Variants in FRMD3 observed in about 807,000 individuals in gnomAD.
FRMD3 encodes the protein FERM domain containing 3, also known as FERM domain-containing protein 3.
A neutral mutation model predicts 70.2 loss-of-function variants in FRMD3; 33 were observed. The ratio of observed to expected loss-of-function variants is 0.47; its 90% CI spans 0.36 to 0.63. The LOEUF (loss-of-function observed/expected upper bound fraction) is 0.63, where lower values mean the gene tolerates loss of function less well. FRMD3 is among the 20% of genes least tolerant of loss of function. The pLI is 0.00. For synonymous variants in FRMD3, 279 were observed against 255.9 expected (o/e 1.09, Z -0.86); for missense variants, 632 against 711.4 (o/e 0.89, Z 1.27).
the FRMD3 span, among the ~76,000 whole-genome samples, chr9:83,564,227 A>T: frequency 6.6e-6 from 1 of 151,736 alleles, no homozygotes; most frequent in Non-Finnish European, 1.5e-5. Flanking sequence ...CCAATTTAAA[A>T]TAATAATAAT....
At chr9:83,289,740 T>G (rs889944476) in intron 13 of FRMD3, among the ~76,000 whole-genome samples, 3 of 152,232 alleles carry the variant, frequency 2.0e-5, no homozygotes, top group Non-Finnish European at 4.4e-5. Context: ...AAAGCATGTT[T>G]GTATTCAAAG....
At chr9:83,520,689 A>G (rs1406073823) in intron 1 of FRMD3, among the ~76,000 whole-genome samples, 1 of 152,210 alleles carries the variant, frequency 6.6e-6, no homozygotes, top group Non-Finnish European at 1.5e-5. Flanking sequence ...AAGTTCTACC[A>G]GACAGCACTG....
chr9:83,440,913 G>A (rs1827275061), intron 1 of FRMD3, among the ~76,000 whole-genome samples: 1 of 152,204 alleles, frequency 6.6e-6, no homozygotes. Flanking sequence ...TCAGGCACAG[G>A]ACGGAATTGT....
chr9:83,432,331 T>A (rs1287506280), intron 1 of FRMD3, among the ~76,000 whole-genome samples: 1 of 152,232 alleles, frequency 6.6e-6, no homozygotes, highest in Non-Finnish European at 1.5e-5. Flanking sequence ...CAGGTCACTA[T>A]GTTTCCTTTG....
At chr9:83,408,795 A>T (rs1368146520) in intron 1 of FRMD3, among the ~76,000 whole-genome samples, 1 of 152,158 alleles carries the variant, frequency 6.6e-6, no homozygotes, top group East Asian at 1.9e-4. Context: ...CTGCTACCAC[A>T]GGCACCCTCG....
At chr9:83,252,534 T>C (rs1410669015) in intron 13 of FRMD3, among the ~76,000 whole-genome samples, 1 of 152,062 alleles carries the variant, frequency 6.6e-6, no homozygotes, top group African/African-American at 2.4e-5. Context: ...ACCTTAAATG[T>C]AAATGGGCTA....
chr9:83,490,610 A>G (rs1392766385), intron 1 of FRMD3, among the ~76,000 whole-genome samples: 2 of 152,282 alleles, frequency 1.3e-5, no homozygotes, highest in East Asian at 3.9e-4. Flanking sequence ...AATGGAATTA[A>G]CTTTTAATCT....
intron 1 of FRMD3, among the ~76,000 whole-genome samples, chr9:83,502,806 T>G (rs1829100147): frequency 6.6e-6 from 1 of 152,210 alleles, no homozygotes; most frequent in Non-Finnish European, 1.5e-5. Flanking sequence ...CATCATTTCC[T>G]TTGTCCTCTG....
chr9:83,265,386 C>G (rs1465028785), intron 13 of FRMD3, among the ~76,000 whole-genome samples: 1 of 111,686 alleles, frequency 9.0e-6, no homozygotes, highest in African/African-American at 3.7e-5. Context: ...GGCAACAGAG[C>G]GAGACTCTTA....
intron 4 of FRMD3, among the ~76,000 whole-genome samples, chr9:83,346,255 CAAAAAAAAAAAAAAAAA>C (rs56163115): frequency 1.6e-5 from 1 of 62,146 alleles, no homozygotes; most frequent in African/African-American, 6.7e-5. Context: ...GACGCCATCT[CAAAAAAAAAAAAAAAAA>C]AAAAAAAGTG....
chr9:83,461,360 T>C (rs1827965315), intron 1 of FRMD3, among the ~76,000 whole-genome samples: 1 of 152,172 alleles, frequency 6.6e-6, no homozygotes, highest in Non-Finnish European at 1.5e-5. Flanking sequence ...ACAGCCCTAT[T>C]GACACTGTGA....
chr9:83,555,247 G>C, the FRMD3 span, among the ~76,000 whole-genome samples: 1 of 150,408 alleles, frequency 6.6e-6, no homozygotes, highest in South Asian at 2.1e-4. Flanking sequence ...CAAAGATGGC[G>C]GCTCACCCCT....
rs1308127845 is a variant in FRMD3, at chr9:83,483,620, GA to G, written c.147+54464del. Among the ~76,000 whole-genome samples the G allele has an allele frequency of 6.6e-5, 10 of 152,274 alleles. 2 individuals are homozygous for G. In the South Asian group the frequency reaches 1.7e-3, roughly 25 times the overall value. ...AGTGAGAGGATATGGCACTTTGAGA[GA>G]CCAAGATGGGAGTTATCGCTTGAGA... On this transcript the variant is annotated intron_variant, in intron 1 of 13. Transcript: ENST00000304195.
rs904211945 is a variant in FRMD3 at position 83,456,317 on chromosome 9, T to C, written c.148-66609A>G. 5.9e-5 allele frequency among the ~76,000 whole-genome samples: 9 copies of C among 152,354 alleles called. 1 individual carries two copies. The highest frequency in any genetic ancestry group is 2.2e-4 in the African/African-American group (9 of 41,576). ...TGCTTGATTTAGCCTATTTCGTTTA[T>C]GGAGAGGTTGTTTTCAAATCATTTG... On this transcript the variant is annotated intron_variant, in intron 1 of 13. Coordinates refer to ENST00000304195, the MANE Select transcript of FRMD3 (RefSeq NM_174938.6).
intron 1 of FRMD3, among the ~76,000 whole-genome samples, chr9:83,497,208 A>G (rs1433065921): frequency 6.6e-6 from 1 of 152,222 alleles, no homozygotes; most frequent in Non-Finnish European, 1.5e-5. Flanking sequence ...TTTGTGTTTC[A>G]GTTCACATCC....
At chr9:83,275,991 A>G (rs1437846411) in intron 13 of FRMD3, 1 of 152,234 alleles carries the variant, frequency 6.6e-6, no homozygotes, top group South Asian at 2.1e-4. Flanking sequence ...CCGAGGCACA[A>G]TTATTGGCTA....
chr9:83,401,819 G>C (rs1388520714), intron 1 of FRMD3, among the ~76,000 whole-genome samples: 2 of 152,004 alleles, frequency 1.3e-5, no homozygotes, highest in East Asian at 3.9e-4. Context: ...ACTTCAGAGA[G>C]GTAAGAAAGT....
At chr9:83,354,880 T>G (rs1179182900) in intron 3 of FRMD3, among the ~76,000 whole-genome samples, 1 of 152,106 alleles carries the variant, frequency 6.6e-6, no homozygotes, top group Non-Finnish European at 1.5e-5. Context: ...TTCTTTTTAC[T>G]ACCTTGAAAA....
intron 13 of FRMD3, among the ~76,000 whole-genome samples, chr9:83,256,832 C>T (rs1832730439): frequency 6.6e-6 from 1 of 152,090 alleles, no homozygotes; most frequent in African/African-American, 2.4e-5. Context: ...TATCATCTCA[C>T]ACCAGCCAGA....
Sources: allele counts gnomAD v4.1 joint callset (sites outside exome capture counted in the v4.1 genomes callset), GRCh38; gene constraint gnomAD v4.1.1; transcripts MANE v1.5; gene names NCBI Gene and HGNC (gene_info 2026-07-23, HGNC 2026-07-21).